The following TSPEAR variants were observed in gnomAD, a reference collection of about 807,000 sequenced individuals.
The protein encoded by TSPEAR is thrombospondin type laminin G domain and EAR repeats.
In TSPEAR, 69 loss-of-function variants were observed where a neutral mutation model predicts 71.6. That is an observed-to-expected ratio of 0.96 (90% CI 0.79 to 1.18). The LOEUF is 1.18. TSPEAR is among the 50% of genes most tolerant of loss of function. The pLI is 0.00. For missense variants in TSPEAR, 971 were observed against 894.9 expected, an observed-to-expected ratio of 1.09 and a Z score of -1.09; for synonymous variants, 402 against 387.2, an observed-to-expected ratio of 1.04 and a Z score of -0.45.
rs8132183 is a variant in TSPEAR at position 44,498,670 on chromosome 21, G to A, written c.*1113C>T. On this transcript the variant is annotated 3_prime_UTR_variant, in exon 12 of 12. Coordinates refer to ENST00000323084, the MANE Select transcript of TSPEAR (RefSeq NM_144991.3). ...AGTTTTGTCCACAGTTCTGATTGGC[G>A]GAAAAAGCACATTGTAAACTCTCTG... The A allele has an allele frequency of 0.025, 3,736 of 152,356 alleles. 158 individuals carry two copies. The highest frequency in any genetic ancestry group is 0.086 in the African/African-American group (3,560 of 41,550). 9.4% of individuals were successfully genotyped at this position (152,356 alleles called of 1,614,324 possible). A position where few individuals can be genotyped will look rare whatever the true frequency, so the allele number is the denominator to read the frequency against.
At chr21:44,604,426 A>G (rs1418323790) in intron 1 of TSPEAR, among the ~76,000 whole-genome samples, 1 of 152,232 alleles carries the variant, frequency 6.6e-6, no homozygotes, top group Non-Finnish European at 1.5e-5. Context: ...AAGATAGCCA[A>G]TCTCACCTAC....
chr21:44,518,321 G>A lies in TSPEAR; in HGVS notation c.1566+3562C>T, dbSNP rs951908011. ...CTGGAGAGGATGGCATGGGTGACACGCAGCTGGCCAGGTACGCTCTGGGGC... is the reference window on the plus strand; with the variant it reads ...CTGGAGAGGATGGCATGGGTGACACACAGCTGGCCAGGTACGCTCTGGGGC... On this transcript the variant is annotated intron_variant, in intron 9 of 11. Transcript: ENST00000323084. The A allele has an allele frequency of 1.9e-5, 9 of 468,212 alleles. No individual in the cohort carries two copies. The East Asian group carries it at 5.6e-4, about 29-fold the overall frequency. 29.0% of individuals were successfully genotyped at this position (468,212 alleles called of 1,614,324 possible). A position where few individuals can be genotyped will look rare whatever the true frequency, so the allele number is the denominator to read the frequency against.
chr21:44,654,543 G>A (rs782148867), intron 1 of TSPEAR: 44 of 1,611,750 alleles, frequency 2.7e-5, no homozygotes, highest in Non-Finnish European at 3.6e-5. Flanking sequence ...GTGGGTAGCA[G>A]GTGCTGGGGA....
chr21:44,686,193 T>C (rs1372146598), intron 1 of TSPEAR, among the ~76,000 whole-genome samples: 4 of 152,138 alleles, frequency 2.6e-5, no homozygotes, highest in Non-Finnish European at 1.5e-5. Context: ...TCCCCTCGGC[T>C]CTGTTTCCAG....
chr21:44,704,650 G>A (rs1452055939), intron 1 of TSPEAR, among the ~76,000 whole-genome samples: 1 of 152,224 alleles, frequency 6.6e-6, no homozygotes, highest in East Asian at 1.9e-4. Flanking sequence ...AGGAGCAGAG[G>A]TCTCTCCAGG....
intron 2 of TSPEAR, chr21:44,551,014 C>G: frequency 6.2e-7 from 1 of 1,610,106 alleles, no homozygotes; most frequent in East Asian, 2.2e-5. Context: ...ACGCAGCACA[C>G]AGCTTTGCAG....
At chr21:44,643,217 C>T (rs1984117625) in intron 1 of TSPEAR, among the ~76,000 whole-genome samples, 1 of 152,118 alleles carries the variant, frequency 6.6e-6, no homozygotes, top group Non-Finnish European at 1.5e-5. Context: ...GCCAAGTTCA[C>T]CAAAGCAGAG....
chr21:44,574,467 G>A (rs782614204), intron 1 of TSPEAR: 1 of 1,604,850 alleles, frequency 6.2e-7, no homozygotes, highest in Non-Finnish European at 8.5e-7. Context: ...CTGCAAGACT[G>A]TCTGCTGCAA....
At chr21:44,688,516 G>C (rs575760963) in intron 1 of TSPEAR, among the ~76,000 whole-genome samples, 5 of 151,988 alleles carry the variant, frequency 3.3e-5, no homozygotes, top group African/African-American at 4.8e-5. Context: ...GTCAGGAGAT[G>C]GAGACCATCC....
At position 44,566,591 on chromosome 21, in the gene TSPEAR, A is replaced by G. The variant is rs76688524; in HGVS notation, c.303+1194T>C. On this transcript the variant is annotated intron_variant, in intron 2 of 11. Coordinates refer to ENST00000323084, the MANE Select transcript of TSPEAR (RefSeq NM_144991.3). Reference sequence around the variant, plus strand: ...CAAAGTTGGATGACTCATAGTTCCCAATTTAAAGATTTACTACAATAAATC... The same window carrying G: ...CAAAGTTGGATGACTCATAGTTCCCGATTTAAAGATTTACTACAATAAATC... Among the ~76,000 whole-genome samples the G allele has an allele frequency of 6.3e-3, 962 of 152,332 alleles. 8 individuals are homozygous for G. The highest frequency in any genetic ancestry group is 0.027 in the Middle Eastern group (8 of 294).
intron 9 of TSPEAR, chr21:44,518,840 G>A: frequency 7.9e-6 from 3 of 381,972 alleles, no homozygotes; most frequent in South Asian, 1.9e-5. Flanking sequence ...CTCTGCATGT[G>A]TGAGCCTGGG....
Position 44,612,501 on chromosome 21 carries a change from G to A in TSPEAR, c.83-44496C>T. ...TCCAACTGCTGCAAGCCCGTGTGCT[G>A]CGTGTCCATCTGCTCTGGAGCTTCC... On this transcript the variant is annotated intron_variant, in intron 1 of 11. Coordinates refer to ENST00000323084, the MANE Select transcript of TSPEAR (RefSeq NM_144991.3). The surrounding 1 kb of genome is among the most constrained non-coding windows in gnomAD (Gnocchi z 4.1). 6.2e-7 allele frequency: 1 copy of A among 1,608,286 alleles called. No individual in the cohort carries two copies. The highest frequency in any genetic ancestry group is 8.5e-7 in the Non-Finnish European group (1 of 1,176,862).
chr21:44,654,863 AAC>A (rs2146256935), intron 1 of TSPEAR, among the ~76,000 whole-genome samples: 1 of 152,182 alleles, frequency 6.6e-6, no homozygotes, highest in African/African-American at 2.4e-5. Context: ...GTTTCCTGGA[AAC>A]AGAGCAGGGG....
intron 1 of TSPEAR, among the ~76,000 whole-genome samples, chr21:44,672,963 C>A (rs1188548683): frequency 2.0e-5 from 3 of 152,200 alleles, no homozygotes; most frequent in African/African-American, 7.2e-5. Context: ...GTACAGCCTG[C>A]AGAACCATGA....
intron 1 of TSPEAR, chr21:44,646,279 T>C: frequency 1.2e-6 from 1 of 847,434 alleles, no homozygotes; most frequent in Non-Finnish European, 1.8e-6. Flanking sequence ...ATGATGCATC[T>C]CCAGCCACCA....
intron 2 of TSPEAR, chr21:44,558,221 C>T (rs1555920252): frequency 6.4e-7 from 1 of 1,567,178 alleles, no homozygotes; most frequent in Non-Finnish European, 8.7e-7. Context: ...TGGACCTGCA[C>T]ACGGGGCGGC....
intron 1 of TSPEAR, among the ~76,000 whole-genome samples, chr21:44,600,378 T>C (rs1053714812): frequency 6.6e-6 from 1 of 151,566 alleles, no homozygotes; most frequent in African/African-American, 2.4e-5. Flanking sequence ...GAACCAAATA[T>C]AGACTCAGGA....
chr21:44,699,136 G>A (rs1358601101), intron 1 of TSPEAR, among the ~76,000 whole-genome samples: 5 of 152,150 alleles, frequency 3.3e-5, no homozygotes, highest in Admixed American at 2.6e-4. Flanking sequence ...GGCGGAGGGT[G>A]CAGTGAGCTG....
intron 1 of TSPEAR, chr21:44,657,816 G>C: frequency 2.9e-6 from 2 of 680,706 alleles, no homozygotes; most frequent in South Asian, 1.8e-5. Flanking sequence ...AGTACACGCG[G>C]GAAAATAAGA....
Sources: allele counts gnomAD v4.1 joint callset (sites outside exome capture counted in the v4.1 genomes callset), GRCh38; gene constraint gnomAD v4.1.1; non-coding constraint Gnocchi (gnomAD v3.1); transcripts MANE v1.5; gene names NCBI Gene and HGNC (gene_info 2026-07-23, HGNC 2026-07-21).